The following CLSTN2 variants were observed in gnomAD, a reference collection of about 807,000 sequenced individuals.
CLSTN2 encodes the protein calsyntenin-2.
Under a neutral mutation model 101.2 loss-of-function variants are expected in CLSTN2, and 48 were observed. The observed-to-expected ratio is 0.47, with a 90% confidence interval of 0.38 to 0.60. The LOEUF (loss-of-function observed/expected upper bound fraction) is 0.60, where lower values mean the gene tolerates loss of function less well. Among genes scored for constraint, CLSTN2 ranks in the 20% least tolerant of loss-of-function variants. The probability of loss-of-function intolerance (pLI) is 0.00; values close to 1 mark genes in which losing one functional copy is unlikely to be tolerated. For missense variants in CLSTN2, 1,160 were observed against 1,238.2 expected (o/e 0.94, Z 0.95); for synonymous variants, 481 against 463.6 (o/e 1.04, Z -0.48).
chr3:139,996,907 C>T (rs776285754), intron 1 of CLSTN2, among the ~76,000 whole-genome samples: 8 of 151,662 alleles, frequency 5.3e-5, no homozygotes, highest in African/African-American at 1.9e-4. Context: ...ATTAGCCGGG[C>T]GTGGTGGCGG....
chr3:139,995,340 A>G (rs1362752118), intron 1 of CLSTN2, among the ~76,000 whole-genome samples: 1 of 152,136 alleles, frequency 6.6e-6, no homozygotes, highest in Non-Finnish European at 1.5e-5. Flanking sequence ...TCCACATGTC[A>G]AGTTAAATAC....
intron 2 of CLSTN2, among the ~76,000 whole-genome samples, chr3:140,320,139 G>A (rs2087267724): frequency 6.6e-6 from 1 of 152,188 alleles, no homozygotes; most frequent in Non-Finnish European, 1.5e-5. Context: ...CTTGTGCTCA[G>A]GTTACCTTCA....
intron 8 of CLSTN2, among the ~76,000 whole-genome samples, chr3:140,490,903 C>T (rs1225875846): frequency 6.6e-6 from 1 of 152,158 alleles, no homozygotes; most frequent in East Asian, 1.9e-4. Context: ...TTTCTCACTG[C>T]ACTTGATCAC....
At chr3:140,275,150 C>T (rs1334868026) in intron 2 of CLSTN2, among the ~76,000 whole-genome samples, 1 of 152,184 alleles carries the variant, frequency 6.6e-6, no homozygotes, top group African/African-American at 2.4e-5. Flanking sequence ...AACTTACATG[C>T]CAGATATCCC....
At chr3:140,305,062 T>TCA (rs1288389188) in intron 2 of CLSTN2, among the ~76,000 whole-genome samples, 13 of 149,594 alleles carry the variant, frequency 8.7e-5, no homozygotes, top group Non-Finnish European at 1.8e-4. Context: ...ACACTCTCTC[T>TCA]CTCTCTCTCT....
intron 2 of CLSTN2, among the ~76,000 whole-genome samples, chr3:140,390,847 C>T (rs1166543116): frequency 1.3e-5 from 2 of 152,182 alleles, no homozygotes; most frequent in African/African-American, 4.8e-5. Context: ...TTTCTTGGCT[C>T]TTCACATGTC....
At chr3:140,351,842 A>T (rs1346984934) in intron 2 of CLSTN2, among the ~76,000 whole-genome samples, 2 of 152,064 alleles carry the variant, frequency 1.3e-5, no homozygotes, top group African/African-American at 4.8e-5. Context: ...GCAAGTGCAA[A>T]GGCATTGATG....
At chr3:140,450,487 C>T (rs1933218547) in intron 6 of CLSTN2, among the ~76,000 whole-genome samples, 1 of 152,144 alleles carries the variant, frequency 6.6e-6, no homozygotes, top group South Asian at 2.1e-4. Context: ...TGATTTCTTC[C>T]TTGTTCTCTC....
rs768145868 is a variant in CLSTN2 at position 140,229,353 on chromosome 3, C to G, written c.232+53280C>G. Among the ~76,000 whole-genome samples, 6 of 152,264 alleles carry G rather than the reference C, an allele frequency of 3.9e-5. No individual in the cohort carries two copies. In the East Asian group the frequency reaches 7.8e-4, roughly 20 times the overall value. ...TGCTTCATTAGCAAAGTAATAAAAT[C>G]CAGGAACAGTCCACTGTTCCACTCA... On this transcript the variant is annotated intron_variant, in intron 2 of 16. Transcript: ENST00000458420.
chr3:140,335,456 CA>C (rs36037134), intron 2 of CLSTN2, among the ~76,000 whole-genome samples: 180 of 141,720 alleles, frequency 1.3e-3, no homozygotes, highest in East Asian at 5.3e-3. Context: ...TGTGAAAGGC[CA>C]AAAAAAAAAA....
At chr3:140,163,831 G>T (rs2010089949) in intron 1 of CLSTN2, among the ~76,000 whole-genome samples, 1 of 151,862 alleles carries the variant, frequency 6.6e-6, no homozygotes, top group Admixed American at 6.6e-5. Context: ...GTAAAGGCTG[G>T]CACATAGTAG....
chr3:140,415,506 A>AAAAAAAAAAAATT, intron 4 of CLSTN2, among the ~76,000 whole-genome samples: 1 of 151,074 alleles, frequency 6.6e-6, no homozygotes, highest in Non-Finnish European at 1.5e-5. Flanking sequence ...AAAAAAAAAA[A>AAAAAAAAAAAATT]AAAACAAACT....
chr3:140,364,009 C>G (rs2087758046), intron 2 of CLSTN2, among the ~76,000 whole-genome samples: 1 of 152,230 alleles, frequency 6.6e-6, no homozygotes, highest in African/African-American at 2.4e-5. Flanking sequence ...ATGTGGCCAG[C>G]ACACACTCCC....
intron 1 of CLSTN2, among the ~76,000 whole-genome samples, chr3:140,159,597 G>A (rs1398913575): frequency 2.0e-5 from 3 of 152,138 alleles, no homozygotes; most frequent in Non-Finnish European, 2.9e-5. Flanking sequence ...ACTGTGAAAA[G>A]CAGTTTAGAG....
At chr3:140,521,174 G>C (rs1169034476) in intron 8 of CLSTN2, among the ~76,000 whole-genome samples, 6 of 146,030 alleles carry the variant, frequency 4.1e-5, no homozygotes, top group African/African-American at 1.6e-4. Context: ...CGGTGCCCTT[G>C]CTGGAGAGGT....
intron 2 of CLSTN2, among the ~76,000 whole-genome samples, chr3:140,178,190 C>G (rs946620732): frequency 6.6e-6 from 1 of 152,054 alleles, no homozygotes; most frequent in Non-Finnish European, 1.5e-5. Context: ...GTTGAATAAG[C>G]TGTTCTACAG....
intron 1 of CLSTN2, among the ~76,000 whole-genome samples, chr3:139,962,299 C>T (rs147255573): frequency 0.014 from 2,093 of 152,192 alleles, 53 homozygotes; most frequent in African/African-American, 0.048. Flanking sequence ...TAATAAAGTG[C>T]ACATATTGAA....
Position 140,570,411 on chromosome 3 carries a change from T to C in CLSTN2, c.*4158T>C, listed in dbSNP as rs1241521569. 6.6e-6 allele frequency: 1 copy of C among 152,230 alleles called. No homozygotes were observed. Among genetic ancestry groups the C allele is most frequent in the African/African-American group, 2.4e-5 (1 of 41,464 alleles). The allele number at this position is 152,230 out of a possible 1,614,324, so 9.4% of individuals were successfully genotyped here. ...GTATTATAAGTAACCTAGAGATGAT[T>C]TGAAGAACACAGGAAGTTGTGCATA... On this transcript the variant is annotated 3_prime_UTR_variant, in exon 17 of 17. Coordinates refer to ENST00000458420, the MANE Select transcript of CLSTN2 (RefSeq NM_022131.3).
At chr3:140,532,201 G>C in intron 8 of CLSTN2, 123 bp from the exon 9 acceptor site, 3 of 650,212 alleles carry the variant, frequency 4.6e-6, no homozygotes, top group Non-Finnish European at 7.6e-6. Context: ...TATATTCCTT[G>C]AGTGCTTTGC....
Sources: gnomAD v4.1 joint callset for allele counts (sites outside exome capture counted in the v4.1 genomes callset) on GRCh38, gnomAD v4.1.1 for gene constraint, MANE v1.5 for transcripts, NCBI Gene and HGNC (gene_info 2026-07-23, HGNC 2026-07-21) for gene names.